SLTM: variants seen among roughly 807,000 people sequenced by gnomAD.
SLTM encodes the protein SAFB like transcription modulator.
In SLTM, 43 loss-of-function variants were observed where a neutral mutation model predicts 134.6. That is an observed-to-expected ratio of 0.32 (90% confidence interval 0.25 to 0.41). The LOEUF is 0.41. SLTM is among the 10% of genes least tolerant of loss of function. The pLI, the probability that SLTM is intolerant of heterozygous loss-of-function variation, is 1.00. For missense variants in SLTM, 1,055 were observed against 1,288.8 expected, an observed-to-expected ratio of 0.82 and a Z score of 2.78; for synonymous variants, 424 against 432.3, an observed-to-expected ratio of 0.98 and a Z score of 0.24.
chr15:58,898,749 TA>T, intron 8 of SLTM, 53 bp downstream of exon 8: 1 of 1,394,200 alleles, frequency 7.2e-7, no homozygotes, highest in South Asian at 1.2e-5. Context: ...TACTACTTTT[TA>T]ATGAAAATAC....
At chr15:58,929,910 T>C (rs1189749465) in intron 2 of SLTM, among the ~76,000 whole-genome samples, 7 of 152,172 alleles carry the variant, frequency 4.6e-5, no homozygotes, top group African/African-American at 1.7e-4. Flanking sequence ...AAATCTCTCA[T>C]ATTAAAAATA....
Position 58,889,426 on chromosome 15 carries a change from C to G in SLTM, c.2204+4G>C. 6.2e-7 allele frequency: 1 copy of G among 1,613,672 alleles called. No homozygotes were observed. Among genetic ancestry groups the G allele is most frequent in the South Asian group, 1.1e-5 (1 of 91,066 alleles). On this transcript the variant is annotated splice_donor_region_variant and intron_variant, in intron 16 of 20. Coordinates refer to ENST00000380516, the MANE Select transcript of SLTM (RefSeq NM_024755.4). Reference sequence around the variant, plus strand: ...AACTGTTAAGGAATAAAATGAGTAACTACCTATGATCTACATCACGTGGGC... The same window carrying G: ...AACTGTTAAGGAATAAAATGAGTAAGTACCTATGATCTACATCACGTGGGC...
chr15:58,917,007 A>G lies in SLTM; in HGVS notation c.251-8T>C. On this transcript the variant is annotated splice_polypyrimidine_tract_variant and splice_region_variant and intron_variant, in intron 2 of 20. Transcript: ENST00000380516. Reference sequence around the variant, plus strand: ...CTGCTTCATGTTTTTTACCTGCGAAAGAAGGAAAATGGGCTAACAACCAAT... The same window carrying G: ...CTGCTTCATGTTTTTTACCTGCGAAGGAAGGAAAATGGGCTAACAACCAAT... 6.2e-7 allele frequency: 1 copy of G among 1,613,324 alleles called. No homozygotes were observed. Among genetic ancestry groups the G allele is most frequent in the Non-Finnish European group, 8.5e-7 (1 of 1,179,480 alleles).
Position 58,886,844 on chromosome 15 carries a change from A to C in SLTM, c.2835+131T>G, listed in dbSNP as rs555077725. On this transcript the variant is annotated intron_variant, in intron 19 of 20. Coordinates refer to ENST00000380516, the MANE Select transcript of SLTM (RefSeq NM_024755.4). Reference sequence around the variant, plus strand: ...CAGATTTTAAAAATTTAAATAAAAAATTAATGCCTCTGAATCATTCCAATC... The same window carrying C: ...CAGATTTTAAAAATTTAAATAAAAACTTAATGCCTCTGAATCATTCCAATC... The C allele has an allele frequency of 1.0e-5, 11 of 1,089,934 alleles. No individual in the cohort carries two copies. In the Admixed American group the frequency reaches 1.7e-4, roughly 17 times the overall value. The allele number at this position is 1,089,934 out of a possible 1,614,324, so 67.5% of individuals were successfully genotyped here.
At chr15:58,922,207 C>A (rs2037099744) in intron 2 of SLTM, among the ~76,000 whole-genome samples, 1 of 151,080 alleles carries the variant, frequency 6.6e-6, no homozygotes. Flanking sequence ...GAAACCCTGT[C>A]TCTACTAAAA....
intron 8 of SLTM, chr15:58,898,559 G>A (rs1345151484): frequency 1.5e-5 from 6 of 390,452 alleles, no homozygotes; most frequent in South Asian, 1.1e-4. Context: ...CACCAGGTAA[G>A]TGTTCCCTAG....
intron 2 of SLTM, among the ~76,000 whole-genome samples, chr15:58,930,534 T>C (rs2037801297): frequency 6.6e-6 from 1 of 151,502 alleles, no homozygotes; most frequent in African/African-American, 2.4e-5. Context: ...TTAGCAAACA[T>C]ACTGATAAAA....
chr15:58,913,658 A>G lies in SLTM; in HGVS notation c.354T>C (p.Asp118=). ...CAGAGTCCTTTAGTTCATCATTTCCATCTTGCTCATGTGCCTCTTGATTCT... is the reference window on the plus strand; with the variant it reads ...CAGAGTCCTTTAGTTCATCATTTCCGTCTTGCTCATGTGCCTCTTGATTCT... The part of the protein sequence containing the change: ...ELENQEAHEQ[D]GNDELKDSEE... Residue 118 remains aspartate (D), a synonymous_variant, in exon 4 of 21, where the codon GAT becomes GAC. Coordinates refer to ENST00000380516, the MANE Select transcript of SLTM (RefSeq NM_024755.4). 6.2e-7 allele frequency: 1 copy of G among 1,613,532 alleles called. No individual in the cohort carries two copies. Among genetic ancestry groups the G allele is most frequent in the African/African-American group, 1.3e-5 (1 of 74,976 alleles).
At chr15:58,905,166 G>C (rs1227826335) in intron 5 of SLTM, among the ~76,000 whole-genome samples, 1 of 152,068 alleles carries the variant, frequency 6.6e-6, no homozygotes, top group Non-Finnish European at 1.5e-5. Context: ...TTAATAAATT[G>C]TTTTACTAGA....
chr15:58,928,835 T>A (rs1196410010), intron 2 of SLTM, among the ~76,000 whole-genome samples: 1 of 152,242 alleles, frequency 6.6e-6, no homozygotes, highest in Non-Finnish European at 1.5e-5. Context: ...TAATTACCTC[T>A]ACGTAATCCC....
chr15:58,913,639 C>T lies in SLTM; in HGVS notation c.373G>A (p.Asp125Asn), dbSNP rs2036433108. Residue 125 changes from aspartate to asparagine, a missense_variant, in exon 4 of 21, where the codon GAC (aspartate) becomes AAC (asparagine). Asp to Asn is a conservative substitution (Grantham distance 23). Coordinates refer to ENST00000380516, the MANE Select transcript of SLTM (RefSeq NM_024755.4). Reference sequence around the variant, plus strand: ...TCATTTTCACCAAATTCTTCAGAGTCCTTTAGTTCATCATTTCCATCTTGC... The same window carrying T: ...TCATTTTCACCAAATTCTTCAGAGTTCTTTAGTTCATCATTTCCATCTTGC... ...HEQDGNDELK[D>N]SEEFGENEEE... The T allele has an allele frequency of 2.5e-6, 4 of 1,613,506 alleles. No homozygotes were observed. The highest frequency in any genetic ancestry group is 3.4e-6 in the Non-Finnish European group (4 of 1,179,862).
intron 2 of SLTM, among the ~76,000 whole-genome samples, chr15:58,930,741 A>G (rs1341193771): frequency 6.1e-5 from 9 of 148,330 alleles, no homozygotes; most frequent in African/African-American, 2.0e-4. Context: ...TATGATATAT[A>G]TACACCTATA....
Position 58,899,210 on chromosome 15 carries a change from A to G in SLTM, c.1058+259T>C, listed in dbSNP as rs1322712783. 2.8e-5 allele frequency: 13 copies of G among 457,308 alleles called. No homozygotes were observed. The highest frequency in any genetic ancestry group is 4.9e-5 in the Non-Finnish European group (13 of 263,876). 28.3% of individuals were successfully genotyped at this position (457,308 alleles called of 1,614,324 possible). On this transcript the variant is annotated intron_variant, in intron 7 of 20. Transcript: ENST00000380516. The surrounding 1 kb of genome is among the most constrained non-coding windows in gnomAD (Gnocchi z 5.0). Reference sequence around the variant, plus strand: ...AAACACAAAAAAATTGTCAATTTGAAAAAAAAAAACAAAAAACAAAAAACA... The same window carrying G: ...AAACACAAAAAAATTGTCAATTTGAGAAAAAAAAACAAAAAACAAAAAACA...
chr15:58,889,246 A>G (rs1439072255), intron 16 of SLTM, 184 bp downstream of exon 16: 1 of 594,102 alleles, frequency 1.7e-6, no homozygotes, highest in African/African-American at 1.9e-5. Flanking sequence ...AGACAGGGAA[A>G]GAAACACAGA....
At chr15:58,925,879 G>C (rs2037419750) in intron 2 of SLTM, among the ~76,000 whole-genome samples, 1 of 152,090 alleles carries the variant, frequency 6.6e-6, no homozygotes. Flanking sequence ...AAATAGTCCT[G>C]CTTAACTCTC....
intron 4 of SLTM, 72 bp downstream of exon 4, chr15:58,913,426 TA>T: frequency 7.9e-7 from 1 of 1,260,368 alleles, no homozygotes; most frequent in Non-Finnish European, 1.1e-6. Context: ...CAAATTGAAC[TA>T]GAAAAAAATA....
Position 58,894,168 on chromosome 15 carries a change from T to G in SLTM, c.1403A>C (p.Glu468Ala). 6.2e-7 allele frequency: 1 copy of G among 1,611,442 alleles called. No homozygotes were observed. ...CTTTTCATCATTTTCTTTCTTCATTTCTTTCTTAGAGGGATCACCTTTTAC... is the reference window on the plus strand; with the variant it reads ...CTTTTCATCATTTTCTTTCTTCATTGCTTTCTTAGAGGGATCACCTTTTAC... ...EKVKGDPSKKEMKKENDEKSS... is the reference protein window; with the variant it reads ...EKVKGDPSKKAMKKENDEKSS... The change falls in exon 11 of 21, where the codon GAA (glutamate) becomes GCA (alanine). Residue 468 changes from glutamate to alanine, a missense_variant. This residue lies in a region of SLTM where 776 missense variants were observed against 962.2 expected (regional missense o/e 0.81). Transcript: ENST00000380516.
At chr15:58,914,536 G>C (rs897529959) in intron 3 of SLTM, among the ~76,000 whole-genome samples, 1 of 152,182 alleles carries the variant, frequency 6.6e-6, no homozygotes, top group Non-Finnish European at 1.5e-5. Context: ...TTGGGGAGCA[G>C]GGGATCTCTT....
intron 15 of SLTM, chr15:58,890,033 T>C (rs1334640365): frequency 4.4e-5 from 23 of 525,322 alleles, no homozygotes; most frequent in Non-Finnish European, 6.1e-5. Context: ...CATAGTCCTA[T>C]GCTCAGACTA....
Sources: allele counts gnomAD v4.1 joint callset (sites outside exome capture counted in the v4.1 genomes callset), GRCh38; gene constraint gnomAD v4.1.1; regional missense constraint gnomAD v4.1.1; non-coding constraint Gnocchi (gnomAD v3.1); transcripts MANE v1.5; gene names NCBI Gene and HGNC (gene_info 2026-07-23, HGNC 2026-07-21).